Variants in RANBP9 observed in about 807,000 individuals in gnomAD.
The protein encoded by RANBP9 is ran-binding protein 9.
A neutral mutation model predicts 84.3 loss-of-function variants in RANBP9; 15 were observed. That is an observed-to-expected ratio of 0.18 (90% CI 0.12 to 0.27). The LOEUF (loss-of-function observed/expected upper bound fraction) is 0.27, where lower values mean the gene tolerates loss of function less well. RANBP9 is among the 10% of genes least tolerant of loss of function. The probability of loss-of-function intolerance (pLI) is 1.00; values close to 1 mark genes in which losing one functional copy is unlikely to be tolerated. For synonymous variants in RANBP9, 392 were observed against 349.6 expected, an observed-to-expected ratio of 1.12 and a Z score of -1.35; for missense variants, 809 against 912.8, an observed-to-expected ratio of 0.89 and a Z score of 1.46.
intron 3 of RANBP9, among the ~76,000 whole-genome samples, chr6:13,657,544 A>C (rs892369917): frequency 2.0e-5 from 3 of 152,216 alleles, no homozygotes; most frequent in Non-Finnish European, 4.4e-5. Flanking sequence ...CATAAATGCA[A>C]CAACCACAGG....
chr6:13,658,980 TAAC>T (rs1765474676), intron 2 of RANBP9, 148 bp from the exon 3 acceptor site: 3 of 720,858 alleles, frequency 4.2e-6, no homozygotes, highest in Admixed American at 2.2e-5. Context: ...ATTTATTATG[TAAC>T]AACAACGGGC....
rs1195367251 is a variant in RANBP9, at chr6:13,629,074, T to C, written c.1947+3296A>G. The stretch of plus-strand genomic sequence containing the variant: ...GGAAAAATCCAACAACAGAGCAATG[T>C]TGAAATAAACCTATACAGCAACAAT... On this transcript the variant is annotated intron_variant, in intron 12 of 13. Coordinates refer to ENST00000011619, the MANE Select transcript of RANBP9 (RefSeq NM_005493.3). 3.9e-5 allele frequency among the ~76,000 whole-genome samples: 6 copies of C among 152,316 alleles called. No individual in the cohort carries two copies. In the South Asian group the frequency reaches 6.2e-4, roughly 16 times the overall value.
chr6:13,670,145 T>C (rs1197860126), intron 2 of RANBP9, among the ~76,000 whole-genome samples: 1 of 151,792 alleles, frequency 6.6e-6, no homozygotes, highest in Non-Finnish European at 1.5e-5. Context: ...ATACAAAAAT[T>C]AGCCAGGTGC....
intron 1 of RANBP9, among the ~76,000 whole-genome samples, chr6:13,704,715 T>C (rs1450337965): frequency 3.3e-5 from 5 of 152,196 alleles, no homozygotes; most frequent in Admixed American, 2.0e-4. Flanking sequence ...CCAAAATTGC[T>C]TGTAAAACCA....
chr6:13,658,889 T>C, intron 2 of RANBP9, 57 bp from the exon 3 acceptor site: 1 of 1,464,740 alleles, frequency 6.8e-7, no homozygotes, highest in East Asian at 2.3e-5. Flanking sequence ...CATATATGTA[T>C]AAATTACCAA....
chr6:13,638,727 AAGG>A (rs1366492247), intron 9 of RANBP9, among the ~76,000 whole-genome samples: 4 of 152,122 alleles, frequency 2.6e-5, no homozygotes, highest in Non-Finnish European at 5.9e-5. Flanking sequence ...AAAGCCAAGA[AAGG>A]AGAGAATTTT....
chr6:13,634,703 G>T, intron 10 of RANBP9, 151 bp from the exon 11 acceptor site: 1 of 821,738 alleles, frequency 1.2e-6, no homozygotes, highest in Admixed American at 3.3e-5. Context: ...AATCTTGAAC[G>T]TATTCAAAGC....
intron 2 of RANBP9, among the ~76,000 whole-genome samples, chr6:13,677,081 A>G (rs150837516): frequency 4.5e-4 from 68 of 152,336 alleles, no homozygotes; most frequent in African/African-American, 1.6e-3. Flanking sequence ...CTACTTTTGT[A>G]GCTGAAAAGA....
chr6:13,642,411 C>A, intron 7 of RANBP9, 68 bp downstream of exon 7: 1 of 893,512 alleles, frequency 1.1e-6, no homozygotes, highest in African/African-American at 1.8e-5. Flanking sequence ...AACAAAATTT[C>A]TAAAAATTAA....
intron 2 of RANBP9, among the ~76,000 whole-genome samples, chr6:13,669,046 C>G (rs1396268472): frequency 2.0e-5 from 3 of 151,498 alleles, no homozygotes; most frequent in Admixed American, 6.6e-5. Flanking sequence ...CTACAAGATA[C>G]AAGATTAATA....
Position 13,696,916 on chromosome 6 carries a change from A to G in RANBP9, c.572-20T>C. ...CATGACCTGCATAGAAACAGGAAGGAAAAAAGAAGTCACATGAGATATTCA... is the reference window on the plus strand; with the variant it reads ...CATGACCTGCATAGAAACAGGAAGGGAAAAAGAAGTCACATGAGATATTCA... On this transcript the variant is annotated intron_variant, in intron 1 of 13. Transcript: ENST00000011619. The G allele has an allele frequency of 6.4e-7, 1 of 1,571,470 alleles. No individual in the cohort carries two copies. The highest frequency in any genetic ancestry group is 8.7e-7 in the Non-Finnish European group (1 of 1,148,436).
At chr6:13,630,963 C>T (rs895023897) in intron 12 of RANBP9, among the ~76,000 whole-genome samples, 5 of 152,066 alleles carry the variant, frequency 3.3e-5, no homozygotes, top group African/African-American at 1.2e-4. Flanking sequence ...GCGCCCGCCA[C>T]CAGGCCCAGC....
intron 10 of RANBP9, among the ~76,000 whole-genome samples, chr6:13,636,146 G>A (rs1764932212): frequency 3.3e-5 from 5 of 152,256 alleles, no homozygotes; most frequent in African/African-American, 7.2e-5. Context: ...AGGAAGAAGA[G>A]CATTTCAGAT....
chr6:13,652,122 T>C (rs1037344241), intron 5 of RANBP9, among the ~76,000 whole-genome samples: 18 of 152,220 alleles, frequency 1.2e-4, no homozygotes, highest in African/African-American at 3.9e-4. Context: ...CCGTTGGTAT[T>C]CCCATTCTCT....
chr6:13,628,970 A>C (rs11962124), intron 12 of RANBP9, among the ~76,000 whole-genome samples: 81,468 of 141,638 alleles, frequency 0.58, 22,221 homozygotes, highest in Admixed American at 0.68. Context: ...ACTTCTAGAA[A>C]TTTATCTCAG....
At chr6:13,652,740 A>T (rs1755557000) in intron 4 of RANBP9, 59 bp from the exon 5 acceptor site, 1 of 1,408,776 alleles carries the variant, frequency 7.1e-7, no homozygotes, top group Non-Finnish European at 9.8e-7. Context: ...CTATACTGAC[A>T]AGCTGAATTT....
At chr6:13,630,279 C>T (rs1228398705) in intron 12 of RANBP9, among the ~76,000 whole-genome samples, 1 of 152,134 alleles carries the variant, frequency 6.6e-6, no homozygotes, top group African/African-American at 2.4e-5. Flanking sequence ...GACATCTATA[C>T]TCTTTAAATA....
intron 2 of RANBP9, among the ~76,000 whole-genome samples, chr6:13,659,203 C>T (rs1364881529): frequency 2.7e-5 from 4 of 150,168 alleles, no homozygotes; most frequent in Admixed American, 2.0e-4. Flanking sequence ...GTTAAGGAAA[C>T]AAATGTGTTT....
In RANBP9 at chr6:13,642,516, G is replaced by A. The variant is rs747497969; in HGVS notation, c.1188C>T (p.Thr396=). Residue 396 remains threonine, a synonymous_variant, in exon 7 of 14, where the codon ACC becomes ACT. Transcript: ENST00000011619. The stretch of plus-strand genomic sequence containing the variant: ...TAATGGAAGCTAATTCTTCTAGAAC[G>A]GTCTGGTCTGTAGATCTGGCAAAGG... The part of the protein sequence containing the change: ...AEAFARSTDQ[T]VLEELASIKN... 8 of 1,609,680 alleles carry A rather than the reference G, an allele frequency of 5.0e-6. No homozygotes were observed. The highest frequency in any genetic ancestry group is 1.7e-4 in the Middle Eastern group (1 of 6,048).
Sources: allele counts gnomAD v4.1 joint callset (sites outside exome capture counted in the v4.1 genomes callset), GRCh38; gene constraint gnomAD v4.1.1; transcripts MANE v1.5; gene names NCBI Gene and HGNC (gene_info 2026-07-23, HGNC 2026-07-21).